Variants in PDIA5 observed in about 807,000 individuals in gnomAD.
PDIA5 encodes protein disulfide-isomerase A5.
A neutral mutation model predicts 77.6 loss-of-function variants in PDIA5; 58 were observed. The observed-to-expected ratio is 0.75, with a 90% CI of 0.61 to 0.93. The LOEUF (loss-of-function observed/expected upper bound fraction) is 0.93, where lower values mean the gene tolerates loss of function less well. Among genes scored for constraint, PDIA5 ranks in the 40% least tolerant of loss-of-function variants. PDIA5 has a pLI of 0.00. For missense variants in PDIA5, 630 were observed against 647.7 expected (o/e 0.97, Z 0.30); for synonymous variants, 250 against 252.1 (o/e 0.99, Z 0.08).
intron 11 of PDIA5, among the ~76,000 whole-genome samples, chr3:123,144,057 G>A (rs1935703126): frequency 6.6e-6 from 1 of 152,138 alleles, no homozygotes; most frequent in African/African-American, 2.4e-5. Flanking sequence ...GAAATGGAGA[G>A]ATTAAGAACG....
chr3:123,115,908 A>C (rs373779977), intron 7 of PDIA5, among the ~76,000 whole-genome samples: 2 of 152,250 alleles, frequency 1.3e-5, no homozygotes, highest in East Asian at 1.9e-4. Flanking sequence ...GGTTTTCTGA[A>C]TCTCTGTTGA....
At chr3:123,131,511 G>A (rs1444411927) in intron 11 of PDIA5, among the ~76,000 whole-genome samples, 1 of 150,346 alleles carries the variant, frequency 6.7e-6, no homozygotes, top group East Asian at 1.9e-4. Flanking sequence ...CTTACAAGTG[G>A]TCGCGGGCTG....
intron 5 of PDIA5, among the ~76,000 whole-genome samples, chr3:123,103,336 G>A (rs763880262): frequency 6.6e-6 from 1 of 152,150 alleles, no homozygotes; most frequent in Non-Finnish European, 1.5e-5. Context: ...ATCACAAAGC[G>A]GCTGCCCCAG....
intron 1 of PDIA5, among the ~76,000 whole-genome samples, chr3:123,079,981 G>C (rs1269492392): frequency 1.3e-5 from 2 of 152,158 alleles, no homozygotes; most frequent in Admixed American, 6.6e-5. Flanking sequence ...TTTTCAAGCT[G>C]CAACAGTCTG....
In PDIA5 at chr3:123,091,350, A is replaced by G. The variant is rs552434909; in HGVS notation, c.170-1005A>G. Among the ~76,000 whole-genome samples, 3 of 152,274 alleles carry G rather than the reference A, an allele frequency of 2.0e-5. No individual in the cohort carries two copies. The East Asian group carries it at 5.8e-4, about 30-fold the overall frequency. The stretch of plus-strand genomic sequence containing the variant: ...TTTCTGCTTGGCTTGGGGATGTATC[A>G]TATGGTTTTTGGCGGGAGAAAGCAG... On this transcript the variant is annotated intron_variant, in intron 2 of 16. Transcript: ENST00000316218.
intron 14 of PDIA5, among the ~76,000 whole-genome samples, chr3:123,150,782 G>A (rs1275499781): frequency 1.3e-5 from 2 of 151,732 alleles, no homozygotes; most frequent in Non-Finnish European, 2.9e-5. Context: ...GATGGCTCTG[G>A]AGCCGTGGCA....
intron 7 of PDIA5, among the ~76,000 whole-genome samples, chr3:123,112,991 G>T (rs1180461587): frequency 6.6e-6 from 1 of 152,168 alleles, no homozygotes; most frequent in African/African-American, 2.4e-5. Context: ...ATCCAGCTCT[G>T]CCCTGAATGG....
Position 123,155,192 on chromosome 3 carries a change from G to C in PDIA5, c.1344+151G>C. ...GGAACCAGGACATTCTCTTTAGAAG[G>C]AAGATAGGGCAGGCTGGATTTATGC... On this transcript the variant is annotated intron_variant, in intron 15 of 16. Coordinates refer to ENST00000316218, the MANE Select transcript of PDIA5 (RefSeq NM_006810.4). The C allele has an allele frequency of 4.6e-6, 3 of 657,944 alleles. No homozygotes were observed. In the South Asian group the frequency reaches 5.2e-5, roughly 11 times the overall value. The allele number at this position is 657,944 out of a possible 1,614,324, so 40.8% of individuals were successfully genotyped here.
intron 3 of PDIA5, among the ~76,000 whole-genome samples, chr3:123,099,279 G>T (rs138171450): frequency 1.2e-4 from 18 of 152,330 alleles, no homozygotes; most frequent in African/African-American, 4.1e-4. Flanking sequence ...CAGCCATTCA[G>T]CCATTCAGTC....
At chr3:123,143,055 A>G (rs978853835) in intron 11 of PDIA5, among the ~76,000 whole-genome samples, 4 of 151,958 alleles carry the variant, frequency 2.6e-5, no homozygotes, top group African/African-American at 9.7e-5. Flanking sequence ...ATGGGGAGGT[A>G]CAAGGTAAAA....
intron 7 of PDIA5, among the ~76,000 whole-genome samples, chr3:123,113,585 T>C (rs1934919677): frequency 6.6e-6 from 1 of 152,212 alleles, no homozygotes; most frequent in Admixed American, 6.5e-5. Context: ...GACCCTTTTT[T>C]TGATTATGCA....
At chr3:123,091,771 G>A (rs935771717) in intron 2 of PDIA5, among the ~76,000 whole-genome samples, 24 of 152,196 alleles carry the variant, frequency 1.6e-4, no homozygotes, top group Non-Finnish European at 1.6e-4. Context: ...TGTGGCTTAG[G>A]TGTCTTTGGC....
At chr3:123,088,084 C>T (rs1934187088) in intron 1 of PDIA5, among the ~76,000 whole-genome samples, 1 of 152,184 alleles carries the variant, frequency 6.6e-6, no homozygotes, top group Non-Finnish European at 1.5e-5. Flanking sequence ...GGGCCATCCT[C>T]CCACCCTCTG....
At chr3:123,078,215 A>G (rs1048395649) in intron 1 of PDIA5, among the ~76,000 whole-genome samples, 3 of 152,194 alleles carry the variant, frequency 2.0e-5, no homozygotes, top group Non-Finnish European at 4.4e-5. Flanking sequence ...ATAGTTATGA[A>G]AAAAACCAAA....
At chr3:123,089,766 A>T (rs1934236682) in intron 2 of PDIA5, among the ~76,000 whole-genome samples, 1 of 152,240 alleles carries the variant, frequency 6.6e-6, no homozygotes, top group Admixed American at 6.5e-5. Flanking sequence ...GGCCCTGCCC[A>T]GTCCATCTGT....
chr3:123,151,755 C>CCTGA (rs886612091), intron 14 of PDIA5, among the ~76,000 whole-genome samples: 1 of 146,688 alleles, frequency 6.8e-6, no homozygotes. Flanking sequence ...TGCCTGCCTG[C>CCTGA]CTGCCTGCCT....
At chr3:123,089,410 A>G (rs1934230042) in intron 2 of PDIA5, 116 bp downstream of exon 2, 2 of 973,012 alleles carry the variant, frequency 2.1e-6, no homozygotes, top group Non-Finnish European at 3.1e-6. Context: ...TCCAAGGGAC[A>G]TGGGGTTTGT....
chr3:123,160,880 G>A (rs1936144092), intron 15 of PDIA5, among the ~76,000 whole-genome samples: 1 of 152,146 alleles, frequency 6.6e-6, no homozygotes, highest in Non-Finnish European at 1.5e-5. Context: ...AACCAAGAGT[G>A]CACTTGGGGA....
At chr3:123,093,226 T>G (rs1244345703) in intron 3 of PDIA5, among the ~76,000 whole-genome samples, 2 of 151,950 alleles carry the variant, frequency 1.3e-5, no homozygotes, top group African/African-American at 2.4e-5. Context: ...ACTAGGATAA[T>G]AAGTCTTAGC....
Sources: gnomAD v4.1 joint callset for allele counts (sites outside exome capture counted in the v4.1 genomes callset) on GRCh38, gnomAD v4.1.1 for gene constraint, MANE v1.5 for transcripts, NCBI Gene and HGNC (gene_info 2026-07-23, HGNC 2026-07-21) for gene names.